The following ZBTB24 variants were observed in gnomAD, a reference collection of about 807,000 sequenced individuals.
ZBTB24 encodes zinc finger and BTB domain containing 24.
A neutral mutation model predicts 53.8 loss-of-function variants in ZBTB24; 32 were observed. The ratio of observed to expected loss-of-function variants is 0.60; its 90% confidence interval spans 0.45 to 0.80. The LOEUF is 0.80. Ranked by LOEUF, ZBTB24 falls within the 30% of genes least tolerant of loss-of-function variation. ZBTB24 has a pLI of 0.00. For missense variants in ZBTB24, 722 were observed against 837.1 expected, an observed-to-expected ratio of 0.86 and a Z score of 1.70; for synonymous variants, 297 against 306.7, an observed-to-expected ratio of 0.97 and a Z score of 0.33.
intron 2 of ZBTB24, 89 bp from the exon 3 acceptor site, chr6:109,477,019 T>C: frequency 6.5e-7 from 1 of 1,528,804 alleles, no homozygotes; most frequent in Non-Finnish European, 8.8e-7. Context: ...AAAGGATTTT[T>C]CTTAAAAGGC....
intron 5 of ZBTB24, among the ~76,000 whole-genome samples, 189 bp downstream of exon 5, chr6:109,475,210 T>C (rs1348523057): frequency 6.6e-6 from 1 of 152,154 alleles, no homozygotes; most frequent in Non-Finnish European, 1.5e-5. Context: ...ACAAGAGATG[T>C]GATTTCCCCA....
chr6:109,481,246 A>T lies in ZBTB24; in HGVS notation c.781T>A (p.Ser261Thr). ...SRYSKRRIWR[S>T]VKLKDYKLVG... ...AGTTTGTAATCTTTAAGTTTGACGG[A>T]TCTCCAAATCCTCCGCTTGCTGTAT... The change falls in exon 2 of 7, where the codon TCC (serine) becomes ACC (threonine). Residue 261 changes from serine to threonine, a missense_variant. Ser to Thr is a moderately conservative substitution (Grantham distance 58, BLOSUM62 1). Transcript: ENST00000230122. 1.2e-6 allele frequency: 2 copies of T among 1,614,180 alleles called. No individual in the cohort carries two copies. The highest frequency in any genetic ancestry group is 1.7e-6 in the Non-Finnish European group (2 of 1,180,046).
At chr6:109,477,370 C>G (rs1295026367) in intron 2 of ZBTB24, among the ~76,000 whole-genome samples, 2 of 152,134 alleles carry the variant, frequency 1.3e-5, no homozygotes, top group Non-Finnish European at 2.9e-5. Context: ...AGGCAGGTCT[C>G]CAACTCCTGG....
intron 5 of ZBTB24, among the ~76,000 whole-genome samples, chr6:109,473,525 A>T (rs9480964): frequency 1.2e-4 from 18 of 151,906 alleles, no homozygotes; most frequent in African/African-American, 4.3e-4. Context: ...TAAAAGAGCA[A>T]CTCTCTTTCC....
intron 4 of ZBTB24, among the ~76,000 whole-genome samples, 175 bp downstream of exon 4, chr6:109,476,000 A>T (rs1776270176): frequency 6.6e-6 from 1 of 152,226 alleles, no homozygotes; most frequent in Non-Finnish European, 1.5e-5. Flanking sequence ...CATAATTCAC[A>T]TGGTGGCGGA....
intron 6 of ZBTB24, 70 bp from the exon 7 acceptor site, chr6:109,466,644 G>T: frequency 1.3e-6 from 2 of 1,581,086 alleles, no homozygotes; most frequent in Non-Finnish European, 1.7e-6. Context: ...TATTTAGGGG[G>T]AAGCAATCAA....
At position 109,465,908 on chromosome 6, in the gene ZBTB24, C is replaced by G; in HGVS notation, c.2037G>C (p.Pro679=). Residue 679 remains proline (P), a synonymous_variant, in exon 7 of 7, where the codon CCG becomes CCC. Transcript: ENST00000230122. ...GGGGCACGTGGTGAGTGGGTGGTGG[C>G]GGACCAGGCTCCTGTGTCAGCTGCA... The part of the protein sequence containing the change: ...QHLQLTQEPG[P]PPPTHHVPQP... 1 of 1,614,156 alleles carries G rather than the reference C, an allele frequency of 6.2e-7. No individual in the cohort carries two copies. The highest frequency in any genetic ancestry group is 8.5e-7 in the Non-Finnish European group (1 of 1,180,028).
rs151029482 is a variant in ZBTB24, at chr6:109,482,847, A to AGTGAAT, written c.-29+245_-29+250dup. Among the ~76,000 whole-genome samples the AGTGAAT allele has an allele frequency of 3.1e-3, 477 of 152,342 alleles. 2 individuals are homozygous for AGTGAAT. The highest frequency in any genetic ancestry group is 0.011 in the African/African-American group (453 of 41,592). On this transcript the variant is annotated intron_variant, in intron 1 of 6. Transcript: ENST00000230122. ...AGAGTGAAGAAATGTGCACGTGCAA[A>AGTGAAT]GTGAATGTGAGGTAGCTGCAATAAA...
chr6:109,478,475 C>A (rs111371383), intron 2 of ZBTB24, among the ~76,000 whole-genome samples: 3,945 of 152,138 alleles, frequency 0.026, 97 homozygotes, highest in East Asian at 0.099. Flanking sequence ...TATTGGGCCA[C>A]GAGAAATAGC....
intron 2 of ZBTB24, among the ~76,000 whole-genome samples, chr6:109,479,717 C>T (rs377613820): frequency 4.3e-4 from 65 of 152,114 alleles, no homozygotes; most frequent in African/African-American, 1.5e-3. Flanking sequence ...GAGTTTGAGA[C>T]CAGCCTGACC....
chr6:109,467,009 T>C (rs1363217334), intron 6 of ZBTB24, among the ~76,000 whole-genome samples: 2 of 152,244 alleles, frequency 1.3e-5, no homozygotes, highest in Non-Finnish European at 2.9e-5. Context: ...TGTGATGCTG[T>C]CAGAAGAACT....
chr6:109,474,396 T>C (rs554450222), intron 5 of ZBTB24, among the ~76,000 whole-genome samples: 1 of 152,292 alleles, frequency 6.6e-6, no homozygotes, highest in South Asian at 2.1e-4. Flanking sequence ...TCTCAGTGTC[T>C]ATGCTACATT....
chr6:109,473,397 C>A (rs1362044583), intron 5 of ZBTB24, among the ~76,000 whole-genome samples: 1 of 152,126 alleles, frequency 6.6e-6, no homozygotes, highest in Admixed American at 6.5e-5. Context: ...GCTCCCCCTG[C>A]CTAGAATGCT....
In ZBTB24 at chr6:109,464,276, T is replaced by C. The variant is rs1008103528; in HGVS notation, c.*1575A>G. 3 of 152,148 alleles carry C rather than the reference T, an allele frequency of 2.0e-5. No homozygotes were observed. The highest frequency in any genetic ancestry group is 7.2e-5 in the African/African-American group (3 of 41,434). 9.4% of individuals were successfully genotyped at this position (152,148 alleles called of 1,614,324 possible). A position where few individuals can be genotyped will look rare whatever the true frequency, so the allele number is the denominator to read the frequency against. ...ATATAATAAAATATAGCTTAGCAAATATGCAACCAAAATGTTTTTATCTTC... is the reference window on the plus strand; with the variant it reads ...ATATAATAAAATATAGCTTAGCAAACATGCAACCAAAATGTTTTTATCTTC... On this transcript the variant is annotated 3_prime_UTR_variant, in exon 7 of 7. Transcript: ENST00000230122.
intron 1 of ZBTB24, among the ~76,000 whole-genome samples, 184 bp downstream of exon 1, chr6:109,482,914 G>C (rs1321532662): frequency 1.3e-5 from 2 of 152,238 alleles, no homozygotes; most frequent in Non-Finnish European, 2.9e-5. Context: ...AGACACACTA[G>C]GGGCGGCGCG....
Position 109,481,814 on chromosome 6 carries a change from T to A in ZBTB24, c.213A>T (p.Glu71Asp), listed in dbSNP as rs1236289479. ...CCAGCATATAAATGGATTGGCCGAT[T>A]TCCCCCTCTTCTGCAAACATCATTG... ...YFSMMFAEEGEIGQSIYMLEG... is the reference protein window; with the variant it reads ...YFSMMFAEEGDIGQSIYMLEG... Residue 71 changes from glutamate (E) to aspartate (D), a missense_variant, in exon 2 of 7, where the codon GAA (glutamate) becomes GAT (aspartate). By Grantham distance (45) the Glu-to-Asp change is conservative. Coordinates refer to ENST00000230122, the MANE Select transcript of ZBTB24 (RefSeq NM_014797.3). 1.9e-6 allele frequency: 3 copies of A among 1,614,118 alleles called. No individual in the cohort carries two copies. The highest frequency in any genetic ancestry group is 8.5e-7 in the Non-Finnish European group (1 of 1,180,050).
intron 2 of ZBTB24, among the ~76,000 whole-genome samples, chr6:109,477,351 A>G (rs1228553380): frequency 6.6e-6 from 1 of 152,032 alleles, no homozygotes; most frequent in African/African-American, 2.4e-5. Flanking sequence ...GGATCTCACT[A>G]TGTTGCCCAG....
At chr6:109,471,554 G>T (rs1776166014) in intron 5 of ZBTB24, among the ~76,000 whole-genome samples, 1 of 152,194 alleles carries the variant, frequency 6.6e-6, no homozygotes, top group African/African-American at 2.4e-5. Context: ...CCTCAGGGCA[G>T]AATCAGTGTT....
intron 2 of ZBTB24, 31 bp from the exon 3 acceptor site, chr6:109,476,961 A>C: frequency 3.7e-6 from 6 of 1,610,348 alleles, no homozygotes; most frequent in Non-Finnish European, 5.1e-6. Context: ...GCATGGTATA[A>C]GTAAGAATCC....
Sources: gnomAD v4.1 joint callset for allele counts (sites outside exome capture counted in the v4.1 genomes callset) on GRCh38, gnomAD v4.1.1 for gene constraint, MANE v1.5 for transcripts, NCBI Gene and HGNC (gene_info 2026-07-23, HGNC 2026-07-21) for gene names.